Variants in TENM2 observed in about 807,000 individuals in gnomAD.
TENM2 encodes the protein teneurin-2.
A neutral mutation model predicts 245.2 loss-of-function variants in TENM2; 52 were observed. The observed-to-expected ratio is 0.21, with a 90% CI of 0.17 to 0.27. The LOEUF (loss-of-function observed/expected upper bound fraction) is 0.27. TENM2 is among the 10% of genes least tolerant of loss of function. The pLI is 1.00. For missense variants in TENM2, 3,046 were observed against 3,666.8 expected, an observed-to-expected ratio of 0.83 and a Z score of 4.37; for synonymous variants, 1,363 against 1,438.9, an observed-to-expected ratio of 0.95 and a Z score of 1.19.
chr5:167,200,434 C>T, the TENM2 span, among the ~76,000 whole-genome samples: 2 of 151,888 alleles, frequency 1.3e-5, no homozygotes, highest in East Asian at 3.9e-4. Context: ...TGCTTGCCCC[C>T]TCTCCCCTTC....
chr5:168,096,753 A>T (rs1793402201), intron 8 of TENM2, among the ~76,000 whole-genome samples: 1 of 152,224 alleles, frequency 6.6e-6, no homozygotes, highest in Non-Finnish European at 1.5e-5. Context: ...CAACTCTCCA[A>T]GGGTGATATA....
chr5:167,112,145 G>T, the TENM2 span, among the ~76,000 whole-genome samples: 1 of 152,142 alleles, frequency 6.6e-6, no homozygotes, highest in Non-Finnish European at 1.5e-5. Flanking sequence ...CTGTTTTCCT[G>T]GCGACAACTT....
At chr5:167,082,800 A>G in the TENM2 span, among the ~76,000 whole-genome samples, 1 of 152,244 alleles carries the variant, frequency 6.6e-6, no homozygotes, top group Non-Finnish European at 1.5e-5. Flanking sequence ...TATTTTTACA[A>G]TTACTTTCTA....
the TENM2 span, among the ~76,000 whole-genome samples, chr5:167,140,955 A>T: frequency 6.6e-6 from 1 of 152,234 alleles, no homozygotes; most frequent in Non-Finnish European, 1.5e-5. Context: ...GTGCTGGGGT[A>T]TAGAAACCTA....
intron 1 of TENM2, among the ~76,000 whole-genome samples, chr5:167,294,979 A>G (rs1174706671): frequency 1.3e-5 from 2 of 152,140 alleles, no homozygotes; most frequent in Non-Finnish European, 2.9e-5. Context: ...CTGAATTTTT[A>G]TAGCCCTTAA....
At chr5:167,711,084 G>T (rs1303076142) in intron 2 of TENM2, among the ~76,000 whole-genome samples, 1 of 152,084 alleles carries the variant, frequency 6.6e-6, no homozygotes, top group Non-Finnish European at 1.5e-5. Flanking sequence ...GAAAAATGGG[G>T]CTCAGAGGGC....
chr5:168,196,184 G>A (rs1395803568), intron 15 of TENM2, among the ~76,000 whole-genome samples: 1 of 152,138 alleles, frequency 6.6e-6, no homozygotes, highest in Non-Finnish European at 1.5e-5. Context: ...CTGGCGAAGA[G>A]TCTGGCCTTA....
the TENM2 span, among the ~76,000 whole-genome samples, chr5:167,168,776 T>C: frequency 1.3e-5 from 2 of 152,210 alleles, no homozygotes; most frequent in African/African-American, 4.8e-5. Context: ...TTTATGTTTT[T>C]TGAGACAGAG....
chr5:167,972,456 C>G (rs1004592568), intron 4 of TENM2, among the ~76,000 whole-genome samples: 2 of 152,134 alleles, frequency 1.3e-5, no homozygotes, highest in Non-Finnish European at 2.9e-5. Flanking sequence ...TTTAACCAGT[C>G]TCTTCTTGAT....
chr5:168,190,177 A>G (rs1002724910), intron 13 of TENM2, among the ~76,000 whole-genome samples, 160 bp from the exon 16 acceptor site: 7 of 152,124 alleles, frequency 4.6e-5, no homozygotes, highest in Admixed American at 6.5e-5. Flanking sequence ...ATGTGTATGG[A>G]TTGGAATTGG....
chr5:168,213,912 A>T (rs1364412788), intron 20 of TENM2, among the ~76,000 whole-genome samples: 1 of 152,206 alleles, frequency 6.6e-6, no homozygotes, highest in East Asian at 1.9e-4. Context: ...AAAGGCAATT[A>T]CTGTTTGCAT....
At chr5:167,152,020 G>A in the TENM2 span, among the ~76,000 whole-genome samples, 2 of 152,142 alleles carry the variant, frequency 1.3e-5, no homozygotes, top group Non-Finnish European at 2.9e-5. Flanking sequence ...AGCCAGTGTG[G>A]TATGTGGGGC....
chr5:167,844,755 C>T (rs1302687650), intron 2 of TENM2, among the ~76,000 whole-genome samples: 5 of 151,124 alleles, frequency 3.3e-5, no homozygotes, highest in African/African-American at 9.8e-5. Context: ...TCTCTTCTGC[C>T]GTACTGGATC....
chr5:167,268,886 A>ATAGATAGG, the TENM2 span, among the ~76,000 whole-genome samples: 2 of 143,026 alleles, frequency 1.4e-5, no homozygotes, highest in East Asian at 4.1e-4. Flanking sequence ...AGATAGATAG[A>ATAGATAGG]TAGATAGATA....
At chr5:167,708,702 T>C (rs565913096) in intron 2 of TENM2, among the ~76,000 whole-genome samples, 1 of 152,116 alleles carries the variant, frequency 6.6e-6, no homozygotes. Flanking sequence ...CGCCAGCCTC[T>C]CCCCCTCTGC....
chr5:167,864,011 T>G (rs1430947034), intron 2 of TENM2, among the ~76,000 whole-genome samples: 1 of 152,152 alleles, frequency 6.6e-6, no homozygotes, highest in East Asian at 1.9e-4. Context: ...GAGGGGGAGC[T>G]TTTCATGCTT....
chr5:167,962,489 C>T (rs1486867517), intron 4 of TENM2, among the ~76,000 whole-genome samples: 1 of 152,154 alleles, frequency 6.6e-6, no homozygotes, highest in Non-Finnish European at 1.5e-5. Context: ...AAATTCTAGT[C>T]ATAGTCCATA....
At chr5:167,525,527 T>C (rs904095841) in intron 2 of TENM2, among the ~76,000 whole-genome samples, 3 of 152,060 alleles carry the variant, frequency 2.0e-5, no homozygotes, top group Non-Finnish European at 4.4e-5. Context: ...TTAACAAACA[T>C]TAAGGAAAAT....
intron 2 of TENM2, among the ~76,000 whole-genome samples, chr5:167,555,980 G>T (rs565900308): frequency 6.6e-6 from 1 of 152,112 alleles, no homozygotes; most frequent in African/African-American, 2.4e-5. Context: ...TCCTATGTTT[G>T]GGGAACCCCT....
Sources: allele counts gnomAD v4.1 joint callset (sites outside exome capture counted in the v4.1 genomes callset), GRCh38; gene constraint gnomAD v4.1.1; transcripts MANE v1.5; gene names NCBI Gene and HGNC (gene_info 2026-07-23, HGNC 2026-07-21).